Variants in STXBP5L observed in about 807,000 individuals in gnomAD.
The protein encoded by STXBP5L is syntaxin binding protein 5L.
Under a neutral mutation model 144.5 loss-of-function variants are expected in STXBP5L, and 65 were observed. The ratio of observed to expected loss-of-function variants is 0.45; its 90% CI spans 0.37 to 0.55. The LOEUF is 0.55. STXBP5L is among the 20% of genes least tolerant of loss of function. STXBP5L has a pLI of 0.00. For missense variants in STXBP5L, 1,298 were observed against 1,405.5 expected (o/e 0.92, Z 1.22); for synonymous variants, 505 against 469.6 (o/e 1.08, Z -0.97).
intron 7 of STXBP5L, among the ~76,000 whole-genome samples, chr3:121,139,524 T>C (rs1471453743): frequency 6.6e-6 from 1 of 152,060 alleles, no homozygotes; most frequent in Non-Finnish European, 1.5e-5. Flanking sequence ...ACCTAGGCAA[T>C]GTGGCTCAGA....
intron 20 of STXBP5L, among the ~76,000 whole-genome samples, chr3:121,322,051 A>G (rs1446192698): frequency 6.6e-6 from 1 of 151,892 alleles, no homozygotes; most frequent in Admixed American, 6.6e-5. Context: ...TATGGTTGCC[A>G]TCCTTATGTC....
At chr3:121,101,053 A>G (rs965578413) in intron 5 of STXBP5L, among the ~76,000 whole-genome samples, 1 of 152,028 alleles carries the variant, frequency 6.6e-6, no homozygotes, top group Non-Finnish European at 1.5e-5. Flanking sequence ...AGAAATTGAA[A>G]CCCTGAACAG....
intron 9 of STXBP5L, among the ~76,000 whole-genome samples, chr3:121,170,511 T>A (rs1378082884): frequency 6.6e-6 from 1 of 152,132 alleles, no homozygotes; most frequent in East Asian, 1.9e-4. Context: ...AAATTGTATA[T>A]CACCACTGAT....
chr3:121,064,419 C>G (rs1039797307), intron 5 of STXBP5L, among the ~76,000 whole-genome samples: 4 of 152,210 alleles, frequency 2.6e-5, no homozygotes, highest in African/African-American at 7.2e-5. Flanking sequence ...TCCTATTTGG[C>G]CATCTTGCCA....
At chr3:121,031,014 T>A (rs1946330295) in intron 3 of STXBP5L, among the ~76,000 whole-genome samples, 1 of 152,062 alleles carries the variant, frequency 6.6e-6, no homozygotes, top group South Asian at 2.1e-4. Flanking sequence ...GTATTGACAC[T>A]CTTAAAACAA....
intron 9 of STXBP5L, among the ~76,000 whole-genome samples, chr3:121,179,473 T>A (rs1486406891): frequency 1.3e-5 from 2 of 152,082 alleles, no homozygotes; most frequent in Non-Finnish European, 2.9e-5. Context: ...GAAGACATAA[T>A]CTACCCAAAT....
At chr3:121,414,762 T>A (rs2047194529) in intron 24 of STXBP5L, among the ~76,000 whole-genome samples, 1 of 152,248 alleles carries the variant, frequency 6.6e-6, no homozygotes, top group East Asian at 1.9e-4. Context: ...ACCTAAGGAA[T>A]CTATTATAGC....
chr3:121,105,983 C>T (rs2043683547), intron 5 of STXBP5L, among the ~76,000 whole-genome samples: 1 of 151,980 alleles, frequency 6.6e-6, no homozygotes, highest in African/African-American at 2.4e-5. Flanking sequence ...TAAACAAATT[C>T]AAAGGTCTGC....
chr3:121,413,291 A>G lies in STXBP5L; in HGVS notation c.3082A>G (p.Thr1028Ala), dbSNP rs1450486725. 6.3e-6 allele frequency: 10 copies of G among 1,593,036 alleles called. No individual in the cohort carries two copies. Among genetic ancestry groups the G allele is most frequent in the Non-Finnish European group, 8.5e-6 (10 of 1,172,378 alleles). The change falls in exon 24 of 27, where the codon ACA becomes GCA. Residue 1028 changes from threonine to alanine, a missense_variant. Thr to Ala is a moderately conservative substitution (Grantham distance 58, BLOSUM62 0). Coordinates refer to ENST00000471454, the MANE Select transcript of STXBP5L (RefSeq NM_001308330.2). ...LVSPTEIQRL[T>A]YSQEMCDNLQ... Reference sequence around the variant, plus strand: ...CTCTCCTACTGAAATTCAGCGGTTAACATACAGCCAAGAAATGTGTGATAA... The same window carrying G: ...CTCTCCTACTGAAATTCAGCGGTTAGCATACAGCCAAGAAATGTGTGATAA...
chr3:121,137,913 C>G (rs1313687669), intron 7 of STXBP5L, among the ~76,000 whole-genome samples: 1 of 152,034 alleles, frequency 6.6e-6, no homozygotes, highest in Non-Finnish European at 1.5e-5. Flanking sequence ...CAACATAATA[C>G]TGGAAGTCCT....
At chr3:120,982,905 C>A (rs897344502) in intron 3 of STXBP5L, among the ~76,000 whole-genome samples, 9 of 152,144 alleles carry the variant, frequency 5.9e-5, no homozygotes, top group African/African-American at 2.2e-4. Context: ...CCTCAGGTCC[C>A]TAGGGTTCAG....
At chr3:121,166,351 G>C (rs917600041) in intron 9 of STXBP5L, among the ~76,000 whole-genome samples, 1 of 151,964 alleles carries the variant, frequency 6.6e-6, no homozygotes, top group South Asian at 2.1e-4. Context: ...TTGCTTTTCT[G>C]TACTGCATTC....
intron 3 of STXBP5L, among the ~76,000 whole-genome samples, chr3:120,966,784 G>A (rs1401004073): frequency 7.9e-5 from 12 of 152,126 alleles, no homozygotes; most frequent in Admixed American, 5.9e-4. Flanking sequence ...CAGTGTGTCC[G>A]TTCTCAGAGC....
At chr3:120,909,431 C>CT (rs1178900507) in intron 1 of STXBP5L, 140 bp from the exon 2 acceptor site, 3 of 725,432 alleles carry the variant, frequency 4.1e-6, no homozygotes, top group South Asian at 2.2e-5. Context: ...AATCCTGACT[C>CT]TTTTTTTCCA....
intron 2 of STXBP5L, among the ~76,000 whole-genome samples, chr3:120,941,775 G>A (rs1710578631): frequency 6.6e-6 from 1 of 151,630 alleles, no homozygotes; most frequent in Non-Finnish European, 1.5e-5. Context: ...GCAAATGGAA[G>A]GCATGATGTC....
chr3:121,081,304 T>A (rs114215810), intron 5 of STXBP5L, among the ~76,000 whole-genome samples: 6 of 152,326 alleles, frequency 3.9e-5, no homozygotes, highest in African/African-American at 1.4e-4. Context: ...CCTCTGGTAT[T>A]TCCTTGGGTA....
intron 9 of STXBP5L, among the ~76,000 whole-genome samples, chr3:121,186,901 AAGTC>A (rs2047406177): frequency 6.6e-6 from 1 of 152,160 alleles, no homozygotes; most frequent in Non-Finnish European, 1.5e-5. Flanking sequence ...AATCATTAAA[AAGTC>A]AGGAAACAAC....
At chr3:121,396,192 G>T (rs1055026926) in intron 22 of STXBP5L, among the ~76,000 whole-genome samples, 4 of 152,208 alleles carry the variant, frequency 2.6e-5, no homozygotes, top group Non-Finnish European at 5.9e-5. Flanking sequence ...AGTTAATAAT[G>T]CCAGATTCAG....
Position 121,381,445 on chromosome 3 carries a change from A to G in STXBP5L, c.2500A>G (p.Ser834Gly), listed in dbSNP as rs987117389. Residue 834 changes from serine to glycine, a missense_variant, in exon 22 of 27, where the codon AGT becomes GGT. Coordinates refer to ENST00000471454, the MANE Select transcript of STXBP5L (RefSeq NM_001308330.2). Reference sequence around the variant, plus strand: ...CTCTCCTTGTCTGTTCGTTGGAACCAGTCTGGGAATGGTGTTAATCATCTC... The same window carrying G: ...CTCTCCTTGTCTGTTCGTTGGAACCGGTCTGGGAATGGTGTTAATCATCTC... ...TISPCLFVGT[S>G]LGMVLIISLN... 4.4e-6 allele frequency: 7 copies of G among 1,601,466 alleles called. No homozygotes were observed. In the Admixed American group the frequency reaches 1.3e-4, roughly 29 times the overall value.
Sources: allele counts gnomAD v4.1 joint callset (sites outside exome capture counted in the v4.1 genomes callset), GRCh38; gene constraint gnomAD v4.1.1; transcripts MANE v1.5; gene names NCBI Gene and HGNC (gene_info 2026-07-23, HGNC 2026-07-21).